The following NHSL3 variants were observed in gnomAD, a reference collection of about 807,000 sequenced individuals.
NHSL3 encodes the protein NHS like 3, also known as NHS-like protein 3.
At chr1:32,746,693 G>A in the NHSL3 span, among the ~76,000 whole-genome samples, 1 of 152,176 alleles carries the variant, frequency 6.6e-6, no homozygotes, top group South Asian at 2.1e-4. Flanking sequence ...CAGAGGACCA[G>A]ACAGGCAAGG....
chr1:32,753,589 C>G, the NHSL3 span, among the ~76,000 whole-genome samples: 4 of 152,218 alleles, frequency 2.6e-5, no homozygotes, highest in Non-Finnish European at 5.9e-5. Context: ...ATAGTAAACA[C>G]TAAGTAAAAG....
the NHSL3 span, chr1:32,754,150 C>G: frequency 1.4e-6 from 1 of 710,048 alleles, no homozygotes; most frequent in Non-Finnish European, 2.6e-6. Flanking sequence ...CAGCTTCTGG[C>G]GGTTCGGGCG....
the NHSL3 span, chr1:32,772,180 G>T: frequency 6.2e-7 from 1 of 1,613,332 alleles, no homozygotes; most frequent in Non-Finnish European, 8.5e-7. Context: ...GAATCTGGTG[G>T]CAGAACTCCG....
chr1:32,760,254 C>A, the NHSL3 span, among the ~76,000 whole-genome samples: 3 of 152,294 alleles, frequency 2.0e-5, no homozygotes, highest in East Asian at 3.9e-4. Flanking sequence ...TGCCCTCCCC[C>A]TTCATTCCTC....
the NHSL3 span, chr1:32,772,883 C>T: frequency 6.2e-7 from 1 of 1,614,062 alleles, no homozygotes; most frequent in South Asian, 1.1e-5. Flanking sequence ...AAAGAGCTGG[C>T]CTGACCACCA....
chr1:32,769,272 GA>G, the NHSL3 span, among the ~76,000 whole-genome samples: 2 of 151,920 alleles, frequency 1.3e-5, no homozygotes, highest in African/African-American at 4.8e-5. Context: ...AATAAAAAAA[GA>G]GTTAGAAAAT....
At chr1:32,771,467 C>A in the NHSL3 span, 4 of 1,588,290 alleles carry the variant, frequency 2.5e-6, no homozygotes, top group Non-Finnish European at 3.4e-6. Flanking sequence ...GCTGAGGAGC[C>A]CCTCCAAGAT....
At chr1:32,773,041 C>T in the NHSL3 span, 1 of 709,448 alleles carries the variant, frequency 1.4e-6, no homozygotes, top group Non-Finnish European at 2.5e-6. Context: ...TTATGCAAGC[C>T]TGGTGTTGCT....
chr1:32,744,554 C>G, the NHSL3 span, among the ~76,000 whole-genome samples: 4 of 152,132 alleles, frequency 2.6e-5, no homozygotes, highest in Admixed American at 1.3e-4. Context: ...GCTTGAAGAT[C>G]TTCTTGTTCA....
the NHSL3 span, among the ~76,000 whole-genome samples, chr1:32,742,680 A>G: frequency 1.3e-5 from 2 of 152,342 alleles, no homozygotes; most frequent in African/African-American, 2.4e-5. Context: ...AGGACCTCAC[A>G]TGGAGCACAG....
the NHSL3 span, chr1:32,768,786 G>A: frequency 3.1e-6 from 5 of 1,613,050 alleles, no homozygotes; most frequent in Non-Finnish European, 3.4e-6. Context: ...GTGGATTCAT[G>A]GGCAGGGGAG....
the NHSL3 span, among the ~76,000 whole-genome samples, chr1:32,743,537 C>T: frequency 6.6e-6 from 1 of 152,226 alleles, no homozygotes. Flanking sequence ...AGGGCTGCCC[C>T]ACTGGGATTC....
chr1:32,753,842 G>C, the NHSL3 span, among the ~76,000 whole-genome samples: 1 of 152,182 alleles, frequency 6.6e-6, no homozygotes, highest in African/African-American at 2.4e-5. Context: ...TAGGCTGGGC[G>C]GCTCAGCCGG....
chr1:32,764,526 G>A, the NHSL3 span, among the ~76,000 whole-genome samples: 2 of 150,536 alleles, frequency 1.3e-5, no homozygotes, highest in Non-Finnish European at 3.0e-5. Context: ...GGAGTGCAGT[G>A]GTGGGATCTT....
chr1:32,758,404 T>G, the NHSL3 span, among the ~76,000 whole-genome samples: 1 of 152,140 alleles, frequency 6.6e-6, no homozygotes, highest in Admixed American at 6.5e-5. Flanking sequence ...CTTTTCATCC[T>G]TCCCCCTGCC....
At chr1:32,747,192 G>T in the NHSL3 span, among the ~76,000 whole-genome samples, 53 of 145,808 alleles carry the variant, frequency 3.6e-4, no homozygotes, top group Non-Finnish European at 5.2e-4. Flanking sequence ...TTTTTGTTTT[G>T]TTTTGTTTTT....
the NHSL3 span, chr1:32,769,821 G>T: frequency 5.6e-6 from 9 of 1,610,948 alleles, no homozygotes; most frequent in Non-Finnish European, 6.8e-6. Flanking sequence ...TGGTGGGGTG[G>T]GTGGGGAGCC....
the NHSL3 span, chr1:32,771,545 C>G: frequency 1.2e-5 from 19 of 1,606,388 alleles, no homozygotes; most frequent in Admixed American, 1.5e-4. Flanking sequence ...GACTTCCCCC[C>G]ACCAGAGGAG....
chr1:32,771,842 G>A, the NHSL3 span: 7 of 1,606,846 alleles, frequency 4.4e-6, no homozygotes, highest in South Asian at 1.1e-5. Flanking sequence ...CAGATGGTGC[G>A]GCTGCGCTCC....
Sources: allele counts gnomAD v4.1 joint callset (sites outside exome capture counted in the v4.1 genomes callset), GRCh38; gene constraint gnomAD v4.1.1; transcripts MANE v1.5; gene names NCBI Gene and HGNC (gene_info 2026-07-23, HGNC 2026-07-21).